NEK11: variants seen among roughly 807,000 people sequenced by gnomAD.
NEK11 encodes the protein serine/threonine-protein kinase Nek11.
NEK11 carries 72 observed loss-of-function variants against 80.7 expected under a neutral mutation model. The ratio of observed to expected loss-of-function variants is 0.89; its 90% CI spans 0.74 to 1.08. NEK11 has a LOEUF of 1.08. NEK11 is among the 50% of genes least tolerant of loss of function. NEK11 has a pLI of 0.00. For synonymous variants in NEK11, 251 were observed against 260.7 expected, an observed-to-expected ratio of 0.96 and a Z score of 0.36; for missense variants, 764 against 763.6, an observed-to-expected ratio of 1.00 and a Z score of -0.01.
chr3:131,204,668 GT>G (rs1048937673), intron 14 of NEK11, among the ~76,000 whole-genome samples: 47 of 145,488 alleles, frequency 3.2e-4, no homozygotes, highest in South Asian at 6.6e-4. Flanking sequence ...ATGGTTTGAG[GT>G]TTTTTTTTTT....
At chr3:131,344,477 T>C (rs1047250117) in intron 17 of NEK11, among the ~76,000 whole-genome samples, 5 of 152,232 alleles carry the variant, frequency 3.3e-5, no homozygotes, top group African/African-American at 7.2e-5. Context: ...ATTCTTCCAA[T>C]TTCTGCCCAT....
chr3:131,277,587 G>A (rs1369900611), intron 17 of NEK11, among the ~76,000 whole-genome samples: 2 of 152,190 alleles, frequency 1.3e-5, no homozygotes, highest in Non-Finnish European at 2.9e-5. Flanking sequence ...AAGTTGGGTG[G>A]CAACACACCT....
chr3:131,087,136 C>T (rs148935579), intron 4 of NEK11, among the ~76,000 whole-genome samples: 11 of 152,120 alleles, frequency 7.2e-5, no homozygotes, highest in African/African-American at 1.7e-4. Context: ...TTCCTCCCTC[C>T]GGCTGTTTTC....
intron 14 of NEK11, chr3:131,174,690 C>T: frequency 6.9e-7 from 1 of 1,445,364 alleles, no homozygotes; most frequent in Non-Finnish European, 9.5e-7. Context: ...ATATGTAATG[C>T]TAATGATATC....
At chr3:131,034,075 G>T (rs891320797) in intron 3 of NEK11, among the ~76,000 whole-genome samples, 2 of 152,126 alleles carry the variant, frequency 1.3e-5, no homozygotes, top group African/African-American at 4.8e-5. Context: ...TTGTTAAATT[G>T]TCAAAGTATC....
intron 15 of NEK11, among the ~76,000 whole-genome samples, chr3:131,240,682 A>T (rs879817904): frequency 2.0e-5 from 3 of 152,170 alleles, no homozygotes; most frequent in African/African-American, 7.2e-5. Flanking sequence ...TAAAAACATA[A>T]ACATTTTCTT....
chr3:131,326,532 C>T (rs2096969545), intron 17 of NEK11, among the ~76,000 whole-genome samples: 1 of 152,188 alleles, frequency 6.6e-6, no homozygotes, highest in African/African-American at 2.4e-5. Flanking sequence ...TTGTATGACT[C>T]ATCTTTATGA....
chr3:131,087,641 G>C (rs1188770392), intron 4 of NEK11, among the ~76,000 whole-genome samples: 1 of 152,118 alleles, frequency 6.6e-6, no homozygotes, highest in African/African-American at 2.4e-5. Flanking sequence ...TTCCTCATAT[G>C]TTTCTTTTTT....
intron 14 of NEK11, chr3:131,174,821 G>C: frequency 6.2e-7 from 1 of 1,608,112 alleles, no homozygotes; most frequent in South Asian, 1.1e-5. Context: ...AATAGCCTGA[G>C]ACTCTAGGGC....
At chr3:131,247,600 T>C (rs920024037) in intron 16 of NEK11, among the ~76,000 whole-genome samples, 8 of 152,096 alleles carry the variant, frequency 5.3e-5, no homozygotes, top group African/African-American at 1.2e-4. Flanking sequence ...TTGCTTTGGG[T>C]ATGCAGGCTC....
intron 3 of NEK11, among the ~76,000 whole-genome samples, chr3:131,050,285 C>G (rs956618737): frequency 6.6e-6 from 1 of 152,194 alleles, no homozygotes; most frequent in African/African-American, 2.4e-5. Flanking sequence ...GTTTTAAGCC[C>G]TTGCGGTCCC....
At chr3:131,219,405 C>A (rs1485816702) in intron 14 of NEK11, among the ~76,000 whole-genome samples, 2 of 150,632 alleles carry the variant, frequency 1.3e-5, no homozygotes, top group Admixed American at 6.6e-5. Context: ...GGGTGGGGGA[C>A]TAGGGGAGGG....
At chr3:131,298,741 G>C (rs1170244677) in intron 17 of NEK11, among the ~76,000 whole-genome samples, 2 of 151,934 alleles carry the variant, frequency 1.3e-5, no homozygotes, top group Non-Finnish European at 2.9e-5. Context: ...TCTTTTTGGT[G>C]TTTATCCTAC....
chr3:131,244,312 A>G (rs991878832), intron 16 of NEK11, among the ~76,000 whole-genome samples: 10 of 152,112 alleles, frequency 6.6e-5, no homozygotes, highest in South Asian at 2.1e-4. Context: ...CAGTCATAAC[A>G]TAAGTCTTTG....
At chr3:131,064,152 C>T (rs902041564) in intron 3 of NEK11, among the ~76,000 whole-genome samples, 40 of 152,178 alleles carry the variant, frequency 2.6e-4, no homozygotes, top group African/African-American at 9.4e-4. Context: ...AAAGTGGTTG[C>T]CAGGGGCTAT....
intron 3 of NEK11, among the ~76,000 whole-genome samples, chr3:131,031,731 C>G (rs950897230): frequency 1.5e-4 from 23 of 151,976 alleles, no homozygotes; most frequent in African/African-American, 5.6e-4. Context: ...GTACCTGAAC[C>G]AATCTTAAAA....
At chr3:131,213,318 C>T (rs577379823) in intron 14 of NEK11, among the ~76,000 whole-genome samples, 43 of 152,272 alleles carry the variant, frequency 2.8e-4, no homozygotes, top group African/African-American at 9.1e-4. Context: ...CTCCAGATGG[C>T]CGGTTAACAG....
intron 14 of NEK11, among the ~76,000 whole-genome samples, chr3:131,204,614 G>A (rs555342831): frequency 6.6e-6 from 1 of 151,796 alleles, no homozygotes; most frequent in African/African-American, 2.4e-5. Context: ...GGTCACAGGT[G>A]TCTTCTGTAT....
intron 3 of NEK11, among the ~76,000 whole-genome samples, chr3:131,043,852 G>A (rs1232084341): frequency 6.6e-6 from 1 of 152,104 alleles, no homozygotes; most frequent in Non-Finnish European, 1.5e-5. Context: ...AAATGTGAAG[G>A]GCAGCCAGAG....
Sources: gnomAD v4.1 joint callset for allele counts (sites outside exome capture counted in the v4.1 genomes callset) on GRCh38, gnomAD v4.1.1 for gene constraint, MANE v1.5 for transcripts, NCBI Gene and HGNC (gene_info 2026-07-23, HGNC 2026-07-21) for gene names.